DOC2A: variants seen among roughly 807,000 people sequenced by gnomAD.
The protein encoded by DOC2A is double C2 domain alpha.
In DOC2A, 28 loss-of-function variants were observed where a neutral mutation model predicts 40.6. The observed-to-expected ratio is 0.69, with a 90% CI of 0.51 to 0.95. The LOEUF is 0.95. Among genes scored for constraint, DOC2A ranks in the 40% least tolerant of loss-of-function variants. The pLI is 0.00. For missense variants in DOC2A, 474 were observed against 552.5 expected (o/e 0.86, Z 1.42); for synonymous variants, 241 against 236.9 (o/e 1.02, Z -0.16).
rs772027346 is a variant in DOC2A, at chr16:30,006,817, G to A, written c.846C>T (p.Asp282=). The A allele has an allele frequency of 4.0e-5, 65 of 1,613,642 alleles. No individual in the cohort carries two copies. The highest frequency in any genetic ancestry group is 1.1e-4 in the South Asian group (10 of 91,084). The change falls in exon 8 of 11, where the codon GAC becomes GAT. Residue 282 remains aspartate (D), a synonymous_variant. Transcript: ENST00000350119. This position sits in a 1 kb window ranked among gnomAD's most constrained non-coding sequence, Gnocchi z 6.2. ...ILRCAHLAAM[D]VNGYSDPYVK... is the part of the protein sequence containing the mutation. Reference sequence around the variant, plus strand: ...CGTAGGGGTCCGAGTAACCGTTGACGTCCATGGCAGCCAGATGGGCGCAGC... The same window carrying A: ...CGTAGGGGTCCGAGTAACCGTTGACATCCATGGCAGCCAGATGGGCGCAGC...
At chr16:30,021,930 C>T (rs1157876583), upstream of DOC2A, among the ~76,000 whole-genome samples, 1 of 151,866 alleles carries the variant, frequency 6.6e-6, no homozygotes, top group African/African-American at 2.4e-5. Context: ...CCGTGATTTC[C>T]TCCCGTGTAT....
At chr16:30,023,054 G>T, upstream of DOC2A, 1 of 321,678 alleles carries the variant, frequency 3.1e-6, no homozygotes, top group South Asian at 4.6e-5. Flanking sequence ...CCCAAATTGT[G>T]CCTGTTGTCC....
chr16:30,013,093 G>A (rs1274510859), upstream of DOC2A, among the ~76,000 whole-genome samples: 4 of 145,824 alleles, frequency 2.7e-5, no homozygotes, highest in Non-Finnish European at 3.0e-5. Flanking sequence ...AAGCTGAGAC[G>A]GACTGATCCC....
chr16:30,006,752 C>T lies in DOC2A; in HGVS notation c.878+33G>A, dbSNP rs776285945. 7.4e-6 allele frequency: 12 copies of T among 1,613,782 alleles called. No homozygotes were observed. Among genetic ancestry groups the T allele is most frequent in the Middle Eastern group, 1.6e-4 (1 of 6,084 alleles). On this transcript the variant is annotated intron_variant, in intron 8 of 10. Transcript: ENST00000350119. This position sits in a 1 kb window ranked among gnomAD's most constrained non-coding sequence, Gnocchi z 6.2. ...GCCCAACTCAGGCCAGGGCAGGCTC[C>T]CTGGGGAGGAGAGGGTCAGAGCAAG...
chr16:30,016,516 C>G (rs1596714818), upstream of DOC2A, among the ~76,000 whole-genome samples: 1 of 152,166 alleles, frequency 6.6e-6, no homozygotes. Flanking sequence ...GGGGGACACT[C>G]TGGTCAAGGA....
Position 30,009,422 on chromosome 16 carries a change from C to T in DOC2A, c.342+56G>A. ...CTGGGAAGGGAAGGAGGAATGGGCC[C>T]CCTCTGGGGGCTGCACGCAAACCGG... On this transcript the variant is annotated intron_variant, in intron 3 of 10. Coordinates refer to ENST00000350119, the MANE Select transcript of DOC2A (RefSeq NM_003586.3). This position sits in a 1 kb window ranked among gnomAD's most constrained non-coding sequence, Gnocchi z 4.1. 2 of 1,532,556 alleles carry T rather than the reference C, an allele frequency of 1.3e-6. No individual in the cohort carries two copies. The highest frequency in any genetic ancestry group is 1.4e-5 in the African/African-American group (1 of 72,742). 94.9% of individuals were successfully genotyped at this position (1,532,556 alleles called of 1,614,324 possible). A position where few individuals can be genotyped will look rare whatever the true frequency, so the allele number is the denominator to read the frequency against.
upstream of DOC2A, among the ~76,000 whole-genome samples, chr16:30,015,860 C>T (rs1026879127): frequency 2.0e-5 from 3 of 149,370 alleles, no homozygotes; most frequent in East Asian, 3.9e-4. Flanking sequence ...ACCACCATGC[C>T]TGGCTAATCT....
At position 30,009,390 on chromosome 16, in the gene DOC2A, A is replaced by G. The variant is rs1281042308; in HGVS notation, c.342+88T>C. On this transcript the variant is annotated intron_variant, in intron 3 of 10. Transcript: ENST00000350119. The surrounding 1 kb of genome is among the most constrained non-coding windows in gnomAD (Gnocchi z 4.1). ...GGAGGGGGCAAGGGCAGGACGAAGG[A>G]GCAGGCCTGGGAAGGGAAGGAGGAA... 1 of 1,479,054 alleles carries G rather than the reference A, an allele frequency of 6.8e-7. No individual in the cohort carries two copies. The highest frequency in any genetic ancestry group is 9.2e-7 in the Non-Finnish European group (1 of 1,082,296). 91.6% of individuals were successfully genotyped at this position (1,479,054 alleles called of 1,614,324 possible). A position where few individuals can be genotyped will look rare whatever the true frequency, so the allele number is the denominator to read the frequency against.
upstream of DOC2A, chr16:30,012,656 G>T (rs1230705495): frequency 6.8e-6 from 1 of 148,120 alleles, no homozygotes; most frequent in Non-Finnish European, 1.5e-5. Flanking sequence ...GCCAGCCTGG[G>T]CAACACAGTG....
chr16:30,018,103 CAAAAAAAA>C (rs34061843), intron 1 of DOC2A, among the ~76,000 whole-genome samples: 5 of 61,580 alleles, frequency 8.1e-5, no homozygotes, highest in Admixed American at 4.0e-4. Flanking sequence ...CTATTTCTAC[CAAAAAAAA>C]AAAAAAAAAA....
At chr16:30,016,244 T>A (rs2150962947), upstream of DOC2A, among the ~76,000 whole-genome samples, 1 of 150,904 alleles carries the variant, frequency 6.6e-6, no homozygotes, top group South Asian at 2.1e-4. Context: ...AGATAGGGTT[T>A]CACCATGTTG....
intron 1 of DOC2A, among the ~76,000 whole-genome samples, chr16:30,018,068 C>G (rs953968044): frequency 7.0e-6 from 1 of 142,778 alleles, no homozygotes; most frequent in Non-Finnish European, 1.5e-5. Context: ...GAGTTCAAGA[C>G]CAGCCTGGGC....
chr16:30,010,495 T>G lies in DOC2A; in HGVS notation c.-13-260A>C. 1.8e-6 allele frequency: 1 copy of G among 564,760 alleles called. No homozygotes were observed. The highest frequency in any genetic ancestry group is 3.2e-6 in the Non-Finnish European group (1 of 312,780). The allele number at this position is 564,760 out of a possible 1,614,324, so 35.0% of individuals were successfully genotyped here. ...CACCCCGTCCTCACCCACCCACTTC[T>G]AGGTTGTCCCTGTATCATCTTGCCA... On this transcript the variant is annotated intron_variant, in intron 1 of 10. Transcript: ENST00000350119. This position sits in a 1 kb window ranked among gnomAD's most constrained non-coding sequence, Gnocchi z 4.2.
Position 30,010,333 on chromosome 16 carries a change from C to T in DOC2A, c.-13-98G>A. The T allele has an allele frequency of 6.5e-7, 1 of 1,527,646 alleles. No individual in the cohort carries two copies. The highest frequency in any genetic ancestry group is 9.0e-7 in the Non-Finnish European group (1 of 1,116,122). 94.6% of individuals were successfully genotyped at this position (1,527,646 alleles called of 1,614,324 possible). A position where few individuals can be genotyped will look rare whatever the true frequency, so the allele number is the denominator to read the frequency against. ...CTCGGTCTGTGGGGCCCTCACTGGC[C>T]TCCCTTCCTAGGTGTCGAGGGAGAG... On this transcript the variant is annotated intron_variant, in intron 1 of 10. Transcript: ENST00000350119. This position sits in a 1 kb window ranked among gnomAD's most constrained non-coding sequence, Gnocchi z 4.2.
In DOC2A at chr16:30,010,255, C is replaced by A. The variant is rs1244848026; in HGVS notation, c.-13-20G>T. Reference sequence around the variant, plus strand: ...CCCTGGCTAGGAGAGGGCGTGTGAGCCAGTGAGCCCATCATACCTAGCCAT... The same window carrying A: ...CCCTGGCTAGGAGAGGGCGTGTGAGACAGTGAGCCCATCATACCTAGCCAT... On this transcript the variant is annotated intron_variant, in intron 1 of 10. Coordinates refer to ENST00000350119, the MANE Select transcript of DOC2A (RefSeq NM_003586.3). This position sits in a 1 kb window ranked among gnomAD's most constrained non-coding sequence, Gnocchi z 4.2. 1 of 1,611,264 alleles carries A rather than the reference C, an allele frequency of 6.2e-7. No homozygotes were observed. The highest frequency in any genetic ancestry group is 1.3e-5 in the African/African-American group (1 of 74,936).
upstream of DOC2A, chr16:30,011,168 ACACACACGTGTGCTCGCGCGCG>A (rs1292622772): frequency 1.1e-5 from 7 of 626,890 alleles, no homozygotes; most frequent in East Asian, 1.4e-4. Context: ...GCGAGCGCGC[ACACACACGTGTGCTCGCGCGCG>A]CACACTCACG....
chr16:30,009,833 G>T lies in DOC2A; in HGVS notation c.262+128C>A. ...GACTGCAGCTGTGGTGGCCGTCCCT[G>T]CCACCCCCCCACTGCCCTCCTCCCC... On this transcript the variant is annotated intron_variant, in intron 2 of 10. Transcript: ENST00000350119. The surrounding 1 kb of genome is among the most constrained non-coding windows in gnomAD (Gnocchi z 4.1). 3 of 1,133,288 alleles carry T rather than the reference G, an allele frequency of 2.6e-6. No homozygotes were observed. The highest frequency in any genetic ancestry group is 3.9e-6 in the Non-Finnish European group (3 of 767,504). The allele number at this position is 1,133,288 out of a possible 1,614,324, so 70.2% of individuals were successfully genotyped here.
At chr16:30,014,814 T>C (rs2070838733), upstream of DOC2A, among the ~76,000 whole-genome samples, 1 of 149,220 alleles carries the variant, frequency 6.7e-6, no homozygotes, top group Admixed American at 6.7e-5. Flanking sequence ...GGCGGGCACC[T>C]GTAATCTTGG....
chr16:30,006,713 G>T lies in DOC2A; in HGVS notation c.879-36C>A, dbSNP rs372389503. 11 of 1,613,806 alleles carry T rather than the reference G, an allele frequency of 6.8e-6. No individual in the cohort carries two copies. In the African/African-American group the frequency reaches 1.3e-4, roughly 20 times the overall value. Reference sequence around the variant, plus strand: ...GGTGGAGGGAGACGAACTGAGGGGTGAGGGACAGGCCAGGCCCAACTCAGG... The same window carrying T: ...GGTGGAGGGAGACGAACTGAGGGGTTAGGGACAGGCCAGGCCCAACTCAGG... On this transcript the variant is annotated intron_variant, in intron 8 of 10. Transcript: ENST00000350119. The surrounding 1 kb of genome is among the most constrained non-coding windows in gnomAD (Gnocchi z 6.2).
Sources: gnomAD v4.1 joint callset for allele counts (sites outside exome capture counted in the v4.1 genomes callset) on GRCh38, gnomAD v4.1.1 for gene constraint, Gnocchi (gnomAD v3.1) non-coding constraint, MANE v1.5 for transcripts, NCBI Gene and HGNC (gene_info 2026-07-23, HGNC 2026-07-21) for gene names.